The following NCOA5 variants were observed in gnomAD, a reference collection of about 807,000 sequenced individuals.
NCOA5 encodes the protein NCoA-5.
A neutral mutation model predicts 59.0 loss-of-function variants in NCOA5; 12 were observed. The ratio of observed to expected loss-of-function variants is 0.20; its 90% CI spans 0.13 to 0.33. The LOEUF is 0.33. Among genes scored for constraint, NCOA5 ranks in the 10% least tolerant of loss-of-function variants. The pLI is 1.00. For synonymous variants in NCOA5, 270 were observed against 275.5 expected (o/e 0.98, Z 0.20); for missense variants, 655 against 766.6 (o/e 0.85, Z 1.72).
chr20:46,087,524 G>A (rs1247153766), intron 1 of NCOA5, among the ~76,000 whole-genome samples: 2 of 152,222 alleles, frequency 1.3e-5, no homozygotes, highest in African/African-American at 4.8e-5. Flanking sequence ...TTCGGAGGCA[G>A]AGGCGGGCAG....
chr20:46,086,010 T>C (rs1386799107), intron 1 of NCOA5, among the ~76,000 whole-genome samples: 1 of 152,202 alleles, frequency 6.6e-6, no homozygotes, highest in Non-Finnish European at 1.5e-5. Context: ...AGGGCTCCCA[T>C]GTAGCTAGGA....
At chr20:46,085,692 G>A (rs2085038323) in intron 1 of NCOA5, among the ~76,000 whole-genome samples, 1 of 152,048 alleles carries the variant, frequency 6.6e-6, no homozygotes, top group Non-Finnish European at 1.5e-5. Flanking sequence ...GGGGATAGGA[G>A]GAATAAAAGA....
At chr20:46,076,271 T>C (rs1170993358) in intron 2 of NCOA5, among the ~76,000 whole-genome samples, 2 of 152,228 alleles carry the variant, frequency 1.3e-5, no homozygotes, top group Admixed American at 6.5e-5. Context: ...GGCAGTTTGT[T>C]GTTGTCAACT....
At chr20:46,068,420 T>C in intron 4 of NCOA5, 82 bp downstream of exon 4, 1 of 1,437,632 alleles carries the variant, frequency 7.0e-7, no homozygotes, top group Non-Finnish European at 9.3e-7. Context: ...CTTTTTCAGA[T>C]GGGGGTACTG....
At chr20:46,074,025 G>A (rs2084911105) in intron 2 of NCOA5, among the ~76,000 whole-genome samples, 1 of 152,134 alleles carries the variant, frequency 6.6e-6, no homozygotes, top group South Asian at 2.1e-4. Flanking sequence ...CCAAAGGCAT[G>A]GTGGAAGTAG....
intron 2 of NCOA5, among the ~76,000 whole-genome samples, chr20:46,072,724 C>A (rs919526592): frequency 6.6e-6 from 1 of 152,164 alleles, no homozygotes; most frequent in Non-Finnish European, 1.5e-5. Flanking sequence ...TATAAATATC[C>A]CCTACTCCCT....
At chr20:46,089,636 A>C (rs1444095320) in intron 1 of NCOA5, among the ~76,000 whole-genome samples, 181 bp downstream of exon 1, 1 of 151,784 alleles carries the variant, frequency 6.6e-6, no homozygotes, top group South Asian at 2.1e-4. Flanking sequence ...CGGGAGCCGG[A>C]GGCGGCCGCG....
intron 6 of NCOA5, 122 bp from the exon 7 acceptor site, chr20:46,063,802 C>G (rs1321996650): frequency 9.6e-7 from 1 of 1,045,862 alleles, no homozygotes; most frequent in Non-Finnish European, 1.4e-6. Flanking sequence ...TGACAAAAAG[C>G]CTTGAGATTG....
At chr20:46,064,911 G>T in intron 6 of NCOA5, 118 bp downstream of exon 6, 1 of 925,902 alleles carries the variant, frequency 1.1e-6, no homozygotes, top group Non-Finnish European at 1.7e-6. Flanking sequence ...TAAGAGAGGG[G>T]CCCTACCATA....
At chr20:46,066,745 G>A (rs557750083) in intron 5 of NCOA5, among the ~76,000 whole-genome samples, 1 of 152,310 alleles carries the variant, frequency 6.6e-6, no homozygotes, top group South Asian at 2.1e-4. Flanking sequence ...AAACCTGCCT[G>A]AGAACAAAGG....
chr20:46,066,465 T>A (rs1197367730), intron 5 of NCOA5, among the ~76,000 whole-genome samples: 1 of 152,202 alleles, frequency 6.6e-6, no homozygotes, highest in Non-Finnish European at 1.5e-5. Context: ...GGCTACACCC[T>A]CTTCCACTCT....
chr20:46,070,648 C>G, intron 2 of NCOA5, 112 bp from the exon 3 acceptor site: 1 of 963,924 alleles, frequency 1.0e-6, no homozygotes, highest in Middle Eastern at 3.0e-4. Context: ...TAAAACAGGG[C>G]AGCCAAACAG....
At chr20:46,064,282 T>C (rs1447489640) in intron 6 of NCOA5, among the ~76,000 whole-genome samples, 1 of 152,290 alleles carries the variant, frequency 6.6e-6, no homozygotes, top group East Asian at 1.9e-4. Flanking sequence ...TGGAGATCCT[T>C]ATGTAATTGT....
intron 1 of NCOA5, among the ~76,000 whole-genome samples, chr20:46,084,201 G>C (rs6104453): frequency 0.055 from 8,407 of 152,244 alleles, 783 homozygotes; most frequent in African/African-American, 0.19. Flanking sequence ...TTGCAAATGA[G>C]AAAATTTGAA....
chr20:46,083,739 T>C lies in NCOA5; in HGVS notation c.-29-4286A>G, dbSNP rs145005812. Among the ~76,000 whole-genome samples the C allele has an allele frequency of 1.3e-3, 203 of 152,318 alleles. 1 individual carries two copies. Among genetic ancestry groups the C allele is most frequent in the African/African-American group, 4.8e-3 (199 of 41,572 alleles). On this transcript the variant is annotated intron_variant, in intron 1 of 7. Coordinates refer to ENST00000290231, the MANE Select transcript of NCOA5 (RefSeq NM_020967.3). ...TACATGCTGATAAAGATAATGCCAG[T>C]TGGAAAACCATACTGACAAGACAGA...
chr20:46,065,016 TCTGA>T lies in NCOA5; in HGVS notation c.829+9_829+12del. 1 of 1,613,910 alleles carries T rather than the reference TCTGA, an allele frequency of 6.2e-7. No homozygotes were observed. The highest frequency in any genetic ancestry group is 8.5e-7 in the Non-Finnish European group (1 of 1,179,936). On this transcript the variant is annotated intron_variant, in intron 6 of 7. Transcript: ENST00000290231. ...ATGGACTAGTGACTACCTCCGGTAT[TCTGA>T]CTCTGTACCTTGCGGGGTTCCAAAC...
chr20:46,070,602 A>G, intron 2 of NCOA5, 66 bp from the exon 3 acceptor site: 2 of 1,480,160 alleles, frequency 1.4e-6, no homozygotes, highest in Non-Finnish European at 9.3e-7. Context: ...TCAGCTCTTC[A>G]TATGAGAAAA....
At chr20:46,081,772 ATT>A (rs879573364) in intron 1 of NCOA5, among the ~76,000 whole-genome samples, 18 of 144,542 alleles carry the variant, frequency 1.2e-4, no homozygotes, top group Non-Finnish European at 2.4e-4. Flanking sequence ...TGAGACCTGG[ATT>A]TTTTTTTTTT....
intron 1 of NCOA5, among the ~76,000 whole-genome samples, chr20:46,088,705 A>G (rs1029359067): frequency 6.6e-6 from 1 of 152,216 alleles, no homozygotes; most frequent in Non-Finnish European, 1.5e-5. Context: ...AACAGTTTAC[A>G]AGAAAGCTGT....
Sources: gnomAD v4.1 joint callset for allele counts (sites outside exome capture counted in the v4.1 genomes callset) on GRCh38, gnomAD v4.1.1 for gene constraint, MANE v1.5 for transcripts, NCBI Gene and HGNC (gene_info 2026-07-23, HGNC 2026-07-21) for gene names.